Variants in LDAF1 observed in about 807,000 individuals in gnomAD.
The protein encoded by LDAF1 is lipid droplet assembly factor 1, also known as PROMETHIN.
A neutral mutation model predicts 13.5 loss-of-function variants in LDAF1; 7 were observed. The observed-to-expected ratio is 0.52, with a 90% CI of 0.29 to 0.97. LDAF1 has a LOEUF of 0.97. Among genes scored for constraint, LDAF1 ranks in the 50% least tolerant of loss-of-function variants. LDAF1 has a pLI of 0.07. For synonymous variants in LDAF1, 69 were observed against 77.1 expected, an observed-to-expected ratio of 0.89 and a Z score of 0.55; for missense variants, 148 against 193.2, an observed-to-expected ratio of 0.77 and a Z score of 1.39.
In LDAF1 at chr16:21,170,447, T is replaced by G; in HGVS notation, c.107T>G (p.Phe36Cys). 1 of 1,614,196 alleles carries G rather than the reference T, an allele frequency of 6.2e-7. No homozygotes were observed. The highest frequency in any genetic ancestry group is 1.1e-5 in the South Asian group (1 of 91,086). Residue 36 changes from phenylalanine to cysteine, a missense_variant, in exon 3 of 5, where the codon TTT becomes TGT. By Grantham distance (205) the Phe-to-Cys change is radical (BLOSUM62 -2). Coordinates refer to ENST00000233047, the MANE Select transcript of LDAF1 (RefSeq NM_001301771.2). The stretch of plus-strand genomic sequence containing the variant: ...GTCCTTTGCCTACAGGTGGTGGCCT[T>G]TATGAAGTCTCCAGTGGGTCAGTAC... The part of the protein sequence containing the change: ...SFQNNSKVVA[F>C]MKSPVGQYLD...
At position 21,174,052 on chromosome 16, in the gene LDAF1, T is replaced by C; in HGVS notation, c.308T>C (p.Leu103Pro). The change falls in exon 4 of 5, where the codon CTC becomes CCC. Residue 103 changes from leucine (L) to proline (P), a missense_variant. Transcript: ENST00000233047. ...SVGGFSLLCI[L>P]CGLGFVSLAM... ...GGTGGCTTCTCACTGCTCTGCATCCTCTGTGGTTTGGGCTTCGTATCACTC... is the reference window on the plus strand; with the variant it reads ...GGTGGCTTCTCACTGCTCTGCATCCCCTGTGGTTTGGGCTTCGTATCACTC... 1 of 1,614,144 alleles carries C rather than the reference T, an allele frequency of 6.2e-7. No individual in the cohort carries two copies. Among genetic ancestry groups the C allele is most frequent in the Non-Finnish European group, 8.5e-7 (1 of 1,179,992 alleles).
chr16:21,159,376 C>A, intron 1 of LDAF1: 3 of 1,614,168 alleles, frequency 1.9e-6, no homozygotes, highest in Non-Finnish European at 2.5e-6. Flanking sequence ...CTTTTGAACG[C>A]TGAAAGGCTG....
chr16:21,160,497 G>T (rs952452090), intron 1 of LDAF1, among the ~76,000 whole-genome samples: 2 of 152,100 alleles, frequency 1.3e-5, no homozygotes, highest in African/African-American at 4.8e-5. Context: ...GATGGAATTG[G>T]GAGCCAACCT....
At chr16:21,160,768 T>G (rs2092963917) in intron 1 of LDAF1, among the ~76,000 whole-genome samples, 1 of 152,178 alleles carries the variant, frequency 6.6e-6, no homozygotes, top group Non-Finnish European at 1.5e-5. Context: ...ATGACTGAAT[T>G]TATCATTATT....
At chr16:21,173,800 C>T (rs1378809382) in intron 3 of LDAF1, among the ~76,000 whole-genome samples, 1 of 152,088 alleles carries the variant, frequency 6.6e-6, no homozygotes, top group Non-Finnish European at 1.5e-5. Flanking sequence ...ACGGGAGGGC[C>T]AGCCAGTTGT....
At chr16:21,158,887 G>A (rs760556236) in intron 1 of LDAF1, 141 bp downstream of exon 1, 79 of 171,296 alleles carry the variant, frequency 4.6e-4, no homozygotes, top group Non-Finnish European at 8.9e-4. Context: ...TTTCTGCCCC[G>A]GGGTTAGTGT....
At chr16:21,172,704 TG>T in intron 3 of LDAF1, 2 of 212,254 alleles carry the variant, frequency 9.4e-6, no homozygotes, top group Non-Finnish European at 1.6e-5. Context: ...AGGTCTGGAG[TG>T]GGGTTTAGAA....
At position 21,170,486 on chromosome 16, in the gene LDAF1, C is replaced by G. The variant is rs144207286; in HGVS notation, c.146C>G (p.Pro49Arg). 7 of 1,614,150 alleles carry G rather than the reference C, an allele frequency of 4.3e-6. No homozygotes were observed. Among genetic ancestry groups the G allele is most frequent in the Non-Finnish European group, 5.9e-6 (7 of 1,180,038 alleles). The change falls in exon 3 of 5, where the codon CCG becomes CGG. Residue 49 changes from proline (P) to arginine (R), a missense_variant. Physicochemically the swap from Pro to Arg is moderately radical, Grantham distance 103. Coordinates refer to ENST00000233047, the MANE Select transcript of LDAF1 (RefSeq NM_001301771.2). ...SPVGQYLDSHPFLAFTLLVFI... is the reference protein window; with the variant it reads ...SPVGQYLDSHRFLAFTLLVFI... ...GTGGGTCAGTACTTGGACAGCCATC[C>G]GTTTCTGGCCTTCACCTTGCTGGTG... is the stretch of plus-strand genomic sequence containing the variant.
In LDAF1 at chr16:21,161,101, A is replaced by G. The variant is rs1597525183; in HGVS notation, c.-82A>G. 45 of 1,575,410 alleles carry G rather than the reference A, an allele frequency of 2.9e-5. No homozygotes were observed. In the East Asian group the frequency reaches 9.9e-4, roughly 35 times the overall value. ...TGGTAACAGCAAGAGACAGAGCGAC[A>G]TGAGAGATTGGACCGCGGGCTGCAC... On this transcript the variant is annotated 5_prime_UTR_variant, in exon 2 of 5. The change abolishes an upstream ATG in the 5' untranslated region. Coordinates refer to ENST00000233047, the MANE Select transcript of LDAF1 (RefSeq NM_001301771.2).
intron 1 of LDAF1, 39 bp from the exon 2 acceptor site, chr16:21,161,046 A>G: frequency 1.4e-6 from 2 of 1,442,844 alleles, no homozygotes; most frequent in Non-Finnish European, 1.8e-6. Flanking sequence ...AACCAGATGG[A>G]TGAAGACCAC....
rs2093115509 is a variant in LDAF1, at chr16:21,174,026, GGGT to G, written c.285_287del (p.Gly96del). ...TCCTCCTAGGATTGGTCATCTCTGT[GGGT>G]GGCTTCTCACTGCTCTGCATCCTCT... On this transcript the variant is annotated inframe_deletion, in exon 4 of 5. Transcript: ENST00000233047. 1.2e-6 allele frequency: 2 copies of G among 1,613,372 alleles called. No homozygotes were observed. Among genetic ancestry groups the G allele is most frequent in the Non-Finnish European group, 1.7e-6 (2 of 1,179,770 alleles).
rs115822847 is a variant in LDAF1 at position 21,162,866 on chromosome 16, A to G, written c.96+1588A>G. Among the ~76,000 whole-genome samples the G allele has an allele frequency of 2.9e-3, 435 of 152,360 alleles. 2 individuals carry two copies. The highest frequency in any genetic ancestry group is 8.5e-3 in the African/African-American group (355 of 41,582). On this transcript the variant is annotated intron_variant, in intron 2 of 4. Transcript: ENST00000233047. Reference sequence around the variant, plus strand: ...GTTACGTTCTATAAAGTTACTGCAGACACTGAATTAGCACATACCAAACCA... The same window carrying G: ...GTTACGTTCTATAAAGTTACTGCAGGCACTGAATTAGCACATACCAAACCA...
chr16:21,169,908 G>T (rs2093069188), intron 2 of LDAF1, among the ~76,000 whole-genome samples: 1 of 138,906 alleles, frequency 7.2e-6, no homozygotes. Flanking sequence ...AAGTCTTGTT[G>T]TAGTGACTTT....
chr16:21,166,933 T>C (rs556143978), intron 2 of LDAF1: 1 of 1,534,486 alleles, frequency 6.5e-7, no homozygotes, highest in Admixed American at 2.0e-5. Context: ...TACAGTCATC[T>C]CTGGCTAGAG....
At position 21,168,414 on chromosome 16, in the gene LDAF1, T is replaced by C. The variant is rs148037879; in HGVS notation, c.97-2023T>C. 5.3e-4 allele frequency among the ~76,000 whole-genome samples: 80 copies of C among 151,950 alleles called. No individual in the cohort carries two copies. The East Asian group carries it at 0.014, about 27-fold the overall frequency. ...CTGAGCTTAGCTTTTAATAGACAAGTGAATAGACAAGTGATTAGCTTTTAA... is the reference window on the plus strand; with the variant it reads ...CTGAGCTTAGCTTTTAATAGACAAGCGAATAGACAAGTGATTAGCTTTTAA... On this transcript the variant is annotated intron_variant, in intron 2 of 4. Coordinates refer to ENST00000233047, the MANE Select transcript of LDAF1 (RefSeq NM_001301771.2).
At chr16:21,164,264 GACA>G (rs2093003977) in intron 2 of LDAF1, among the ~76,000 whole-genome samples, 1 of 151,888 alleles carries the variant, frequency 6.6e-6, no homozygotes, top group South Asian at 2.1e-4. Flanking sequence ...TTTTTATTGA[GACA>G]GAGTCTCACT....
At chr16:21,159,964 C>G (rs893346101) in intron 1 of LDAF1, 22 of 985,158 alleles carry the variant, frequency 2.2e-5, no homozygotes, top group Non-Finnish European at 2.3e-5. Context: ...TGGGATTAGT[C>G]CCCTCCTCAA....
chr16:21,174,911 G>A (rs915941638), intron 4 of LDAF1, among the ~76,000 whole-genome samples: 1 of 152,092 alleles, frequency 6.6e-6, no homozygotes, highest in Non-Finnish European at 1.5e-5. Flanking sequence ...GAGAATGTGA[G>A]TTTCTCACCA....
rs1441296876 is a variant in LDAF1 at position 21,174,158 on chromosome 16, T to C, written c.404+10T>C. 1.1e-5 allele frequency: 17 copies of C among 1,593,200 alleles called. No individual in the cohort carries two copies. The highest frequency in any genetic ancestry group is 1.1e-5 in the Non-Finnish European group (13 of 1,174,530). The stretch of plus-strand genomic sequence containing the variant: ...GCTGGTTTTCTCCCAGGTAAATACA[T>C]GTCCATGAAATAATTTATTTTTTTA... On this transcript the variant is annotated intron_variant, in intron 4 of 4. Transcript: ENST00000233047.
Sources: gnomAD v4.1 joint callset for allele counts (sites outside exome capture counted in the v4.1 genomes callset) on GRCh38, gnomAD v4.1.1 for gene constraint, MANE v1.5 for transcripts, NCBI Gene and HGNC (gene_info 2026-07-23, HGNC 2026-07-21) for gene names.